CNTNAP2: variants seen among roughly 807,000 people sequenced by gnomAD.
CNTNAP2 encodes the protein contactin-associated protein-like 2.
Under a neutral mutation model 155.2 loss-of-function variants are expected in CNTNAP2, and 98 were observed. The ratio of observed to expected loss-of-function variants is 0.63; its 90% CI spans 0.54 to 0.75. The LOEUF (loss-of-function observed/expected upper bound fraction) is 0.75, where lower values mean the gene tolerates loss of function less well. CNTNAP2 is among the 30% of genes least tolerant of loss of function. CNTNAP2 has a pLI of 0.00. For synonymous variants in CNTNAP2, 651 were observed against 631.2 expected (o/e 1.03, Z -0.47); for missense variants, 1,727 against 1,688.1 (o/e 1.02, Z -0.40).
chr7:147,776,910 A>G (rs1303838138), intron 13 of CNTNAP2, among the ~76,000 whole-genome samples: 1 of 151,526 alleles, frequency 6.6e-6, no homozygotes, highest in Non-Finnish European at 1.5e-5. Context: ...TGCTTATAGT[A>G]TTCATTTTTA....
At chr7:147,421,811 C>T (rs1453240350) in intron 10 of CNTNAP2, among the ~76,000 whole-genome samples, 1 of 152,018 alleles carries the variant, frequency 6.6e-6, no homozygotes, top group Non-Finnish European at 1.5e-5. Flanking sequence ...TCTGTGTTCA[C>T]TTGAGACCTG....
intron 1 of CNTNAP2, among the ~76,000 whole-genome samples, chr7:146,261,047 A>G (rs994531089): frequency 5.3e-5 from 8 of 152,080 alleles, no homozygotes; most frequent in Non-Finnish European, 1.0e-4. Context: ...TTCTCACAGG[A>G]TATAATTGTT....
chr7:147,901,066 G>T (rs1799860561), intron 13 of CNTNAP2, among the ~76,000 whole-genome samples: 1 of 152,034 alleles, frequency 6.6e-6, no homozygotes, highest in South Asian at 2.1e-4. Context: ...CAGAAGCCTG[G>T]ATTAATCCAC....
At chr7:146,242,500 C>T (rs1005075829) in intron 1 of CNTNAP2, among the ~76,000 whole-genome samples, 2 of 150,966 alleles carry the variant, frequency 1.3e-5, no homozygotes, top group African/African-American at 2.4e-5. Flanking sequence ...GATTGTGCCA[C>T]TGCACTCCAG....
chr7:147,920,638 G>C (rs1237495735), intron 14 of CNTNAP2, among the ~76,000 whole-genome samples: 1 of 152,002 alleles, frequency 6.6e-6, no homozygotes, highest in Admixed American at 6.6e-5. Flanking sequence ...GCTCATGTCT[G>C]AGTCCCTGCT....
chr7:148,074,472 C>G (rs886251636), intron 15 of CNTNAP2, among the ~76,000 whole-genome samples: 4 of 151,648 alleles, frequency 2.6e-5, no homozygotes, highest in Non-Finnish European at 5.9e-5. Flanking sequence ...GGGTTGATCA[C>G]TTGAGGTCAG....
chr7:146,397,884 A>T (rs201712719), intron 1 of CNTNAP2, among the ~76,000 whole-genome samples: 21,841 of 77,318 alleles, frequency 0.28, 2,976 homozygotes, highest in African/African-American at 0.58. Context: ...TTATTTATTT[A>T]TTTATTTTTG....
At chr7:147,318,805 C>T (rs558153919) in intron 9 of CNTNAP2, among the ~76,000 whole-genome samples, 2 of 152,188 alleles carry the variant, frequency 1.3e-5, no homozygotes, top group Non-Finnish European at 2.9e-5. Context: ...ACGTTCTGCA[C>T]ATGTATCCCA....
chr7:146,680,807 A>G (rs1440525734), intron 1 of CNTNAP2, among the ~76,000 whole-genome samples: 2 of 152,232 alleles, frequency 1.3e-5, no homozygotes, highest in African/African-American at 4.8e-5. Flanking sequence ...CTAGAAAGAA[A>G]CATGTCACTG....
At chr7:147,710,405 TATA>T (rs1796385956) in intron 13 of CNTNAP2, among the ~76,000 whole-genome samples, 1 of 152,192 alleles carries the variant, frequency 6.6e-6, no homozygotes, top group African/African-American at 2.4e-5. Flanking sequence ...TATAACCAGT[TATA>T]ATGCTTCATG....
At chr7:147,949,209 G>A (rs116475500) in intron 14 of CNTNAP2, among the ~76,000 whole-genome samples, 4,678 of 150,902 alleles carry the variant, frequency 0.031, 265 homozygotes, top group African/African-American at 0.11. Context: ...TAAAAAAAAA[G>A]AAAAGAAAAA....
intron 1 of CNTNAP2, among the ~76,000 whole-genome samples, chr7:146,201,324 T>A (rs1258305366): frequency 6.6e-6 from 1 of 151,508 alleles, no homozygotes; most frequent in African/African-American, 2.4e-5. Context: ...ATAGGAACTT[T>A]GAGTAATTAT....
intron 1 of CNTNAP2, among the ~76,000 whole-genome samples, chr7:146,152,177 T>A (rs1441423381): frequency 6.6e-6 from 1 of 152,048 alleles, no homozygotes; most frequent in East Asian, 1.9e-4. Flanking sequence ...GGAATACAAT[T>A]TGAACATTAA....
At chr7:148,023,586 A>T (rs1802322300) in intron 15 of CNTNAP2, among the ~76,000 whole-genome samples, 1 of 152,006 alleles carries the variant, frequency 6.6e-6, no homozygotes, top group Non-Finnish European at 1.5e-5. Flanking sequence ...GAGGCAATAA[A>T]CGCTTCATTT....
At chr7:146,530,455 G>A (rs2129139082) in intron 1 of CNTNAP2, among the ~76,000 whole-genome samples, 1 of 152,178 alleles carries the variant, frequency 6.6e-6, no homozygotes, top group Admixed American at 6.5e-5. Flanking sequence ...CTACAGAATG[G>A]GAGAAAATAG....
At chr7:147,107,040 G>T (rs1419979492) in intron 4 of CNTNAP2, among the ~76,000 whole-genome samples, 1 of 152,138 alleles carries the variant, frequency 6.6e-6, no homozygotes, top group Non-Finnish European at 1.5e-5. Flanking sequence ...GTCCAGACTT[G>T]TAATTCTAAA....
intron 1 of CNTNAP2, among the ~76,000 whole-genome samples, chr7:146,761,292 AG>A (rs1247579710): frequency 2.1e-5 from 2 of 96,426 alleles, no homozygotes; most frequent in African/African-American, 1.3e-4. Context: ...GCTGGAAGGA[AG>A]GAAGGAAGGA....
At chr7:148,063,493 A>G (rs1220885077) in intron 15 of CNTNAP2, among the ~76,000 whole-genome samples, 1 of 146,922 alleles carries the variant, frequency 6.8e-6, no homozygotes, top group African/African-American at 2.5e-5. Context: ...TTTATTTTGG[A>G]TAGTTTCTAT....
At chr7:146,730,466 G>T (rs1801506362) in intron 1 of CNTNAP2, among the ~76,000 whole-genome samples, 1 of 152,148 alleles carries the variant, frequency 6.6e-6, no homozygotes, top group South Asian at 2.1e-4. Context: ...TTGAGATCAT[G>T]ACGTTTTATC....
Sources: gnomAD v4.1 joint callset for allele counts (sites outside exome capture counted in the v4.1 genomes callset) on GRCh38, gnomAD v4.1.1 for gene constraint, MANE v1.5 for transcripts, NCBI Gene and HGNC (gene_info 2026-07-23, HGNC 2026-07-21) for gene names.